Variants in CCDC85A observed in about 807,000 individuals in gnomAD.
The protein encoded by CCDC85A is coiled-coil domain containing 85A, also known as coiled-coil domain-containing protein 85A.
A neutral mutation model predicts 50.2 loss-of-function variants in CCDC85A; 38 were observed. The ratio of observed to expected loss-of-function variants is 0.76; its 90% CI spans 0.58 to 0.99. The LOEUF (loss-of-function observed/expected upper bound fraction) is 0.99, where lower values mean the gene tolerates loss of function less well. Ranked by LOEUF, CCDC85A falls within the 50% of genes least tolerant of loss-of-function variation. The probability of loss-of-function intolerance (pLI) is 0.00; values close to 1 mark genes in which losing one functional copy is unlikely to be tolerated. For synonymous variants in CCDC85A, 366 were observed against 301.4 expected, an observed-to-expected ratio of 1.21 and a Z score of -2.22; for missense variants, 820 against 742.0, an observed-to-expected ratio of 1.11 and a Z score of -1.22.
intron 2 of CCDC85A, among the ~76,000 whole-genome samples, chr2:56,309,805 G>C (rs1573226594): frequency 1.3e-5 from 2 of 152,174 alleles, no homozygotes; most frequent in African/African-American, 2.4e-5. Flanking sequence ...AGAATGCTCT[G>C]GGGTTTTGGC....
rs981348264 is a variant in CCDC85A at position 56,218,439 on chromosome 2, A to G, written c.1240+24999A>G. 2.0e-5 allele frequency among the ~76,000 whole-genome samples: 3 copies of G among 151,896 alleles called. No homozygotes were observed. The East Asian group carries it at 5.8e-4, about 29-fold the overall frequency. On this transcript the variant is annotated intron_variant, in intron 2 of 5. Transcript: ENST00000407595. ...AACACCATCTTCCAGCCACACAAAC[A>G]TAACCATTGTTAGTAGCCTATTGTA... is the stretch of plus-strand genomic sequence containing the variant.
chr2:56,302,005 C>T (rs898386146), intron 2 of CCDC85A, among the ~76,000 whole-genome samples: 14 of 152,266 alleles, frequency 9.2e-5, no homozygotes, highest in Non-Finnish European at 7.4e-5. Context: ...CCTGTAATCC[C>T]AGCTCTTTGG....
intron 2 of CCDC85A, among the ~76,000 whole-genome samples, chr2:56,234,617 C>T (rs1395507861): frequency 6.6e-6 from 1 of 152,180 alleles, no homozygotes; most frequent in African/African-American, 2.4e-5. Context: ...TATTTCACCT[C>T]AGTCACTAAT....
chr2:56,331,948 C>T (rs1558645389), intron 2 of CCDC85A, among the ~76,000 whole-genome samples: 2 of 152,164 alleles, frequency 1.3e-5, no homozygotes, highest in Admixed American at 6.5e-5. Flanking sequence ...CCCCTCCCCG[C>T]CCCCCAGGCT....
intron 3 of CCDC85A, among the ~76,000 whole-genome samples, chr2:56,369,280 A>G (rs895743415): frequency 1.3e-5 from 2 of 152,146 alleles, no homozygotes; most frequent in African/African-American, 4.8e-5. Context: ...AAGATAAACT[A>G]TAATGTCTTA....
rs1025302976 is a variant in CCDC85A, at chr2:56,318,757, A to G, written c.1241-24122A>G. The stretch of plus-strand genomic sequence containing the variant: ...AACATAAGGCATTCACTTCCCTTTG[A>G]ATCTTTGTATTCATTTGTATTTATC... On this transcript the variant is annotated intron_variant, in intron 2 of 5. Transcript: ENST00000407595. Among the ~76,000 whole-genome samples, 12 of 152,206 alleles carry G rather than the reference A, an allele frequency of 7.9e-5. 1 individual carries two copies. Among genetic ancestry groups the G allele is most frequent in the African/African-American group, 2.9e-4 (12 of 41,552 alleles).
intron 2 of CCDC85A, among the ~76,000 whole-genome samples, chr2:56,263,755 C>A (rs1002125958): frequency 1.3e-5 from 2 of 152,178 alleles, no homozygotes; most frequent in South Asian, 4.1e-4. Context: ...TACACTGGGG[C>A]AAATAGGATA....
intron 2 of CCDC85A, among the ~76,000 whole-genome samples, chr2:56,244,733 G>T (rs1201347037): frequency 6.6e-6 from 1 of 151,866 alleles, no homozygotes; most frequent in Non-Finnish European, 1.5e-5. Context: ...GTATTACTTG[G>T]TTACTGCTGC....
intron 3 of CCDC85A, among the ~76,000 whole-genome samples, chr2:56,345,386 T>C (rs1674586183): frequency 6.6e-6 from 1 of 152,230 alleles, no homozygotes; most frequent in African/African-American, 2.4e-5. Flanking sequence ...TTAGTTTTAG[T>C]TATTTATTTG....
chr2:56,208,200 T>C (rs1281191871), intron 2 of CCDC85A, among the ~76,000 whole-genome samples: 1 of 152,174 alleles, frequency 6.6e-6, no homozygotes, highest in Non-Finnish European at 1.5e-5. Flanking sequence ...CTGCTTTCAA[T>C]TCTGAGTTCT....
intron 5 of CCDC85A, among the ~76,000 whole-genome samples, chr2:56,376,853 G>A (rs1676360355): frequency 6.6e-6 from 1 of 152,140 alleles, no homozygotes; most frequent in African/African-American, 2.4e-5. Flanking sequence ...TTTACCATGT[G>A]AGTTTCACAA....
In CCDC85A at chr2:56,184,500, CT is replaced by C; in HGVS notation, c.-124del. The C allele has an allele frequency of 9.0e-7, 1 of 1,111,474 alleles. No individual in the cohort carries two copies. The highest frequency in any genetic ancestry group is 3.4e-5 in the East Asian group (1 of 29,712). 68.9% of individuals were successfully genotyped at this position (1,111,474 alleles called of 1,614,324 possible). A position where few individuals can be genotyped will look rare whatever the true frequency, so the allele number is the denominator to read the frequency against. ...CCCCGCCGCCCCAACCCAGCGGCCCCTGGGCGGTGCCGCTGACTCGCCGGAG... is the reference window on the plus strand; with the variant it reads ...CCCCGCCGCCCCAACCCAGCGGCCCCGGGCGGTGCCGCTGACTCGCCGGAG... On this transcript the variant is annotated 5_prime_UTR_variant, in exon 1 of 6. The change abolishes the stop of an existing upstream ORF in the 5' untranslated region. Coordinates refer to ENST00000407595, the MANE Select transcript of CCDC85A (RefSeq NM_001080433.2).
chr2:56,271,154 T>C (rs368265138), intron 2 of CCDC85A, among the ~76,000 whole-genome samples: 1 of 152,128 alleles, frequency 6.6e-6, no homozygotes. Context: ...ACTTCTCCTG[T>C]AGGATTTACT....
intron 2 of CCDC85A, among the ~76,000 whole-genome samples, chr2:56,321,310 G>A (rs1268970495): frequency 6.6e-6 from 1 of 152,280 alleles, no homozygotes; most frequent in South Asian, 2.1e-4. Context: ...GCAGGAGAAG[G>A]TAATAAAGGG....
chr2:56,379,856 T>C (rs1676503016), intron 5 of CCDC85A: 5 of 921,082 alleles, frequency 5.4e-6, no homozygotes, highest in Non-Finnish European at 6.5e-6. Flanking sequence ...AATGTAAGTT[T>C]AATGTGCTTT....
At chr2:56,217,163 C>T (rs942485440) in intron 2 of CCDC85A, among the ~76,000 whole-genome samples, 1 of 151,888 alleles carries the variant, frequency 6.6e-6, no homozygotes, top group African/African-American at 2.4e-5. Context: ...TCTATCTCTC[C>T]CATGATATTC....
intron 2 of CCDC85A, among the ~76,000 whole-genome samples, chr2:56,221,788 G>T (rs918810838): frequency 1.3e-5 from 2 of 152,042 alleles, no homozygotes; most frequent in African/African-American, 2.4e-5. Context: ...AAATTTTTAA[G>T]TGTTTTTAAT....
intron 2 of CCDC85A, among the ~76,000 whole-genome samples, chr2:56,331,249 G>T (rs1271587557): frequency 6.6e-6 from 1 of 152,056 alleles, no homozygotes. Flanking sequence ...TGGGAGAGGG[G>T]ATGAGTGATA....
chr2:56,353,730 G>A (rs977870395), intron 3 of CCDC85A, among the ~76,000 whole-genome samples: 3 of 152,212 alleles, frequency 2.0e-5, no homozygotes, highest in African/African-American at 7.2e-5. Context: ...TATGATACCC[G>A]ATGAAGATCA....
Sources: gnomAD v4.1 joint callset for allele counts (sites outside exome capture counted in the v4.1 genomes callset) on GRCh38, gnomAD v4.1.1 for gene constraint, MANE v1.5 for transcripts, NCBI Gene and HGNC (gene_info 2026-07-23, HGNC 2026-07-21) for gene names.